Variants in MAVS observed in about 807,000 individuals in gnomAD.
MAVS encodes the protein mitochondrial antiviral signaling protein.
In MAVS, 20 loss-of-function variants were observed where a neutral mutation model predicts 30.2. The observed-to-expected ratio is 0.66, with a 90% CI of 0.47 to 0.96. MAVS has a LOEUF of 0.96. MAVS is among the 40% of genes least tolerant of loss of function. The pLI, the probability that MAVS is intolerant of heterozygous loss-of-function variation, is 0.00. For missense variants in MAVS, 624 were observed against 701.1 expected (o/e 0.89, Z 1.24); for synonymous variants, 278 against 293.9 (o/e 0.95, Z 0.55).
rs918562416 is a variant in MAVS, at chr20:3,868,883, C to T, written c.*2736C>T. ...TGGGTGACCGAGTGATACTCTGTCT[C>T]AAAGAAAAAAAATTATAATTTTAGC... On this transcript the variant is annotated 3_prime_UTR_variant, in exon 7 of 7. Transcript: ENST00000428216. The T allele has an allele frequency of 6.6e-6, 1 of 151,882 alleles. No homozygotes were observed. The highest frequency in any genetic ancestry group is 2.4e-5 in the African/African-American group (1 of 41,312). The allele number at this position is 151,882 out of a possible 1,614,324, so 9.4% of individuals were successfully genotyped here.
chr20:3,859,939 C>T (rs912237659), intron 3 of MAVS, among the ~76,000 whole-genome samples: 5 of 151,906 alleles, frequency 3.3e-5, no homozygotes, highest in African/African-American at 1.2e-4. Flanking sequence ...GCCTCAGCCT[C>T]CCGAGTAGCT....
At chr20:3,858,679 A>G (rs1442638889) in intron 3 of MAVS, among the ~76,000 whole-genome samples, 1 of 151,438 alleles carries the variant, frequency 6.6e-6, no homozygotes, top group Non-Finnish European at 1.5e-5. Context: ...AAAAAAAAAA[A>G]AAGACATGGG....
intron 5 of MAVS, among the ~76,000 whole-genome samples, chr20:3,863,730 C>T (rs993070060): frequency 1.3e-5 from 2 of 152,152 alleles, no homozygotes; most frequent in Non-Finnish European, 2.9e-5. Context: ...CAGGCAGCCT[C>T]CCAGGGGTGG....
chr20:3,871,475 G>A lies in MAVS; in HGVS notation c.*5328G>A, dbSNP rs1397480114. On this transcript the variant is annotated 3_prime_UTR_variant, in exon 7 of 7. Coordinates refer to ENST00000428216, the MANE Select transcript of MAVS (RefSeq NM_020746.5). ...GCTGCTACTACTGTCCCAGAGAGGTGATGATGAATGATGGGTGTGTCCAGT... is the reference window on the plus strand; with the variant it reads ...GCTGCTACTACTGTCCCAGAGAGGTAATGATGAATGATGGGTGTGTCCAGT... The A allele has an allele frequency of 6.5e-6, 1 of 152,966 alleles. No individual in the cohort carries two copies. The allele number at this position is 152,966 out of a possible 1,614,324, so 9.5% of individuals were successfully genotyped here.
At chr20:3,848,370 A>G (rs2089727999) in intron 1 of MAVS, among the ~76,000 whole-genome samples, 1 of 152,182 alleles carries the variant, frequency 6.6e-6, no homozygotes, top group Non-Finnish European at 1.5e-5. Flanking sequence ...AAGTGCTGGG[A>G]TTCCAGGCGT....
chr20:3,853,401 G>C (rs1270269468), intron 1 of MAVS, among the ~76,000 whole-genome samples: 1 of 151,238 alleles, frequency 6.6e-6, no homozygotes, highest in African/African-American at 2.4e-5. Flanking sequence ...CAGGAGAATG[G>C]CGTGAACCCG....
rs147795132 is a variant in MAVS, at chr20:3,854,805, G to A, written c.117+64G>A. Reference sequence around the variant, plus strand: ...GCAGGGCTGTGGAATTCAAAGCTCAGCCCCATCCTAGTTCCTCACCCAAGC... The same window carrying A: ...GCAGGGCTGTGGAATTCAAAGCTCAACCCCATCCTAGTTCCTCACCCAAGC... On this transcript the variant is annotated intron_variant, in intron 2 of 6. Transcript: ENST00000428216. 9.1e-4 allele frequency: 1,084 copies of A among 1,190,308 alleles called. 8 individuals carry two copies. The African/African-American group carries it at 0.015, about 16-fold the overall frequency. 73.7% of individuals were successfully genotyped at this position (1,190,308 alleles called of 1,614,324 possible).
rs1262452820 is a variant in MAVS at position 3,869,901 on chromosome 20, GCTGATCCCAGCA to G, written c.*3757_*3768del. On this transcript the variant is annotated 3_prime_UTR_variant, in exon 7 of 7. Coordinates refer to ENST00000428216, the MANE Select transcript of MAVS (RefSeq NM_020746.5). The stretch of plus-strand genomic sequence containing the variant: ...ATACAGGAGTGAGCCACTGCGCCTG[GCTGATCCCAGCA>G]CTTTTCAAATGATGCCGCTCAAAGC... 3.3e-5 allele frequency: 5 copies of G among 152,202 alleles called. No homozygotes were observed. Among genetic ancestry groups the G allele is most frequent in the African/African-American group, 4.8e-5 (2 of 41,454 alleles). 9.4% of individuals were successfully genotyped at this position (152,202 alleles called of 1,614,324 possible).
intron 2 of MAVS, 87 bp from the exon 3 acceptor site, chr20:3,857,548 C>A (rs910711863): frequency 3.4e-6 from 5 of 1,457,158 alleles, no homozygotes; most frequent in Admixed American, 4.3e-5. Flanking sequence ...TTTCTTGGCA[C>A]CCCTCCCCCC....
rs376282820 is a variant in MAVS, at chr20:3,854,664, C to T, written c.40C>T (p.Arg14Cys). 2.7e-5 allele frequency: 43 copies of T among 1,613,766 alleles called. 1 individual carries two copies. The Admixed American group carries it at 4.2e-4, about 16-fold the overall frequency. Residue 14 changes from arginine to cysteine, a missense_variant, in exon 2 of 7, where the codon CGC (arginine) becomes TGC (cysteine). Physicochemically the swap from Arg to Cys is radical, Grantham distance 180. Coordinates refer to ENST00000428216, the MANE Select transcript of MAVS (RefSeq NM_020746.5). Reference sequence around the variant, plus strand: ...AGACAAGACCTATAAGTATATCTGCCGCAATTTCAGCAATTTTTGCAATGT... The same window carrying T: ...AGACAAGACCTATAAGTATATCTGCTGCAATTTCAGCAATTTTTGCAATGT... ...AEDKTYKYIC[R>C]NFSNFCNVDV... is the part of the protein sequence containing the mutation.
At chr20:3,859,855 C>G (rs185509044) in intron 3 of MAVS, among the ~76,000 whole-genome samples, 4 of 151,726 alleles carry the variant, frequency 2.6e-5, no homozygotes, top group African/African-American at 7.3e-5. Context: ...TTCGCTCTGT[C>G]GCCCAGGCTG....
chr20:3,865,683 G>C lies in MAVS; in HGVS notation c.1159G>C (p.Glu387Gln), dbSNP rs763818201. 6.3e-6 allele frequency: 10 copies of C among 1,597,964 alleles called. No individual in the cohort carries two copies. The East Asian group carries it at 2.2e-4, about 36-fold the overall frequency. ...VPTDGSSRNE[E>Q]TPAAPTPAGA... ...TCCAGTGCTCTCCTTTCTTTCCCAG[G>C]AGACCCCAGCAGCTCCAACACCCGC... The change falls in exon 7 of 7, where the codon GAG becomes CAG. Residue 387 changes from glutamate to glutamine, a missense_variant and splice_region_variant. Glu to Gln is a conservative substitution (Grantham distance 29). Coordinates refer to ENST00000428216, the MANE Select transcript of MAVS (RefSeq NM_020746.5). This position sits in a 1 kb window ranked among gnomAD's most constrained non-coding sequence, Gnocchi z 4.7.
At chr20:3,864,935 G>A in intron 6 of MAVS, 147 bp downstream of exon 6, 2 of 954,786 alleles carry the variant, frequency 2.1e-6, no homozygotes, top group Non-Finnish European at 3.1e-6. Flanking sequence ...CATACAGACA[G>A]TTGAGAACCA....
chr20:3,855,119 G>A (rs569921246), intron 2 of MAVS, among the ~76,000 whole-genome samples: 6 of 151,972 alleles, frequency 3.9e-5, no homozygotes, highest in South Asian at 2.1e-4. Flanking sequence ...TTGATCTCTT[G>A]ACCTTGTGAT....
In MAVS at chr20:3,864,570, G is replaced by A; in HGVS notation, c.940G>A (p.Ala314Thr). The change falls in exon 6 of 7, where the codon GCC becomes ACC. Residue 314 changes from alanine to threonine, a missense_variant. Coordinates refer to ENST00000428216, the MANE Select transcript of MAVS (RefSeq NM_020746.5). ...PVNTVALKVP[A>T]NPASVSTVPS... ...GAACACAGTGGCCCTGAAAGTGCCTGCCAACCCAGCATCTGTCAGCACAGT... is the reference window on the plus strand; with the variant it reads ...GAACACAGTGGCCCTGAAAGTGCCTACCAACCCAGCATCTGTCAGCACAGT... 1 of 1,614,114 alleles carries A rather than the reference G, an allele frequency of 6.2e-7. No homozygotes were observed. Among genetic ancestry groups the A allele is most frequent in the Non-Finnish European group, 8.5e-7 (1 of 1,180,020 alleles).
intron 1 of MAVS, among the ~76,000 whole-genome samples, chr20:3,853,382 A>T (rs2089780366): frequency 6.6e-6 from 1 of 150,716 alleles, no homozygotes; most frequent in Non-Finnish European, 1.5e-5. Flanking sequence ...GCTACTCAGG[A>T]GGCTGAGGCA....
chr20:3,848,046 C>T (rs1263593987), intron 1 of MAVS, among the ~76,000 whole-genome samples: 1 of 152,132 alleles, frequency 6.6e-6, no homozygotes. Flanking sequence ...CAGAAGAGTG[C>T]CTCATCTGAC....
intron 5 of MAVS, among the ~76,000 whole-genome samples, chr20:3,863,354 C>T (rs2089880679): frequency 6.6e-6 from 1 of 152,144 alleles, no homozygotes; most frequent in South Asian, 2.1e-4. Flanking sequence ...GCCCTCAGTG[C>T]CCTGGGACAG....
chr20:3,860,320 C>T (rs1020221757), intron 3 of MAVS, among the ~76,000 whole-genome samples: 14 of 151,716 alleles, frequency 9.2e-5, no homozygotes, highest in East Asian at 3.9e-4. Context: ...CTCTGCCTCC[C>T]GGGTTCAAGT....
Sources: gnomAD v4.1 joint callset for allele counts (sites outside exome capture counted in the v4.1 genomes callset) on GRCh38, gnomAD v4.1.1 for gene constraint, Gnocchi (gnomAD v3.1) non-coding constraint, MANE v1.5 for transcripts, NCBI Gene and HGNC (gene_info 2026-07-23, HGNC 2026-07-21) for gene names.